Variants in AUTS2 observed in about 807,000 individuals in gnomAD.
AUTS2 encodes the protein autism susceptibility gene 2 protein.
In AUTS2, 17 loss-of-function variants were observed where a neutral mutation model predicts 112.4. The observed-to-expected ratio is 0.15, with a 90% confidence interval of 0.10 to 0.23. AUTS2 has a LOEUF of 0.23. Among genes scored for constraint, AUTS2 ranks in the 10% least tolerant of loss-of-function variants. The probability of loss-of-function intolerance (pLI) is 1.00; values close to 1 mark genes in which losing one functional copy is unlikely to be tolerated. For missense variants in AUTS2, 1,510 were observed against 1,701.6 expected (o/e 0.89, Z 1.98); for synonymous variants, 751 against 702.7 (o/e 1.07, Z -1.09).
chr7:69,758,844 T>A (rs979856079), intron 1 of AUTS2, among the ~76,000 whole-genome samples: 2 of 152,158 alleles, frequency 1.3e-5, no homozygotes, highest in Non-Finnish European at 2.9e-5. Flanking sequence ...GAGATGATCA[T>A]CAGCAGCTTT....
chr7:70,131,145 C>T (rs928887395), intron 3 of AUTS2, among the ~76,000 whole-genome samples: 2 of 152,114 alleles, frequency 1.3e-5, no homozygotes, highest in African/African-American at 4.8e-5. Context: ...GAAGTCCTCC[C>T]TTCTTATTGG....
chr7:69,908,839 A>T (rs1038711606), intron 2 of AUTS2, among the ~76,000 whole-genome samples: 2 of 152,276 alleles, frequency 1.3e-5, no homozygotes, highest in South Asian at 2.1e-4. Context: ...ACATATTCTG[A>T]GTAGGGAACA....
intron 6 of AUTS2, among the ~76,000 whole-genome samples, chr7:70,753,375 CA>C (rs1196378321): frequency 6.6e-6 from 1 of 152,166 alleles, no homozygotes; most frequent in African/African-American, 2.4e-5. Context: ...AATGTTTACA[CA>C]ACATGACAAG....
At chr7:70,677,855 G>A (rs906015000) in intron 5 of AUTS2, among the ~76,000 whole-genome samples, 3 of 152,070 alleles carry the variant, frequency 2.0e-5, no homozygotes, top group Admixed American at 6.5e-5. Flanking sequence ...AGGCCGAGGC[G>A]GGTGGATCAC....
chr7:69,977,547 G>A (rs1345148258), intron 2 of AUTS2, among the ~76,000 whole-genome samples: 1 of 152,060 alleles, frequency 6.6e-6, no homozygotes, highest in African/African-American at 2.4e-5. Context: ...AACAACAGTA[G>A]GTATAACAAT....
At chr7:70,036,643 C>G (rs1801015233) in intron 2 of AUTS2, among the ~76,000 whole-genome samples, 1 of 152,210 alleles carries the variant, frequency 6.6e-6, no homozygotes, top group Non-Finnish European at 1.5e-5. Flanking sequence ...GCAGAAATAA[C>G]AGCTATCCAG....
chr7:70,623,104 C>A (rs1804761167), intron 5 of AUTS2, among the ~76,000 whole-genome samples: 1 of 152,172 alleles, frequency 6.6e-6, no homozygotes, highest in African/African-American at 2.4e-5. Flanking sequence ...TTAGGAATGG[C>A]TTCGGGAAGC....
At chr7:70,496,479 A>C (rs1186234978) in intron 5 of AUTS2, among the ~76,000 whole-genome samples, 7 of 121,082 alleles carry the variant, frequency 5.8e-5, no homozygotes, top group Admixed American at 1.8e-4. Context: ...ACACACACAC[A>C]CCCCACACAC....
chr7:69,603,323 C>T (rs984300333), intron 1 of AUTS2, among the ~76,000 whole-genome samples: 3 of 152,122 alleles, frequency 2.0e-5, no homozygotes, highest in Non-Finnish European at 2.9e-5. Context: ...TTGGACTTCT[C>T]TTTTAAAAAA....
At chr7:69,614,328 C>CTTTCTTTCTTTCT (rs1793212955) in intron 1 of AUTS2, among the ~76,000 whole-genome samples, 1 of 57,048 alleles carries the variant, frequency 1.8e-5, no homozygotes, top group Non-Finnish European at 3.9e-5. Context: ...TTCTTTCTTT[C>CTTTCTTTCTTTCT]TTTCTTTCTT....
chr7:69,676,059 A>C (rs1040018704), intron 1 of AUTS2, among the ~76,000 whole-genome samples: 6 of 152,234 alleles, frequency 3.9e-5, no homozygotes, highest in African/African-American at 1.4e-4. Flanking sequence ...CAGTCTGTGC[A>C]TACCTAAGGA....
At position 70,222,888 on chromosome 7, in the gene AUTS2, C is replaced by CTT. The variant is rs200649101; in HGVS notation, c.660+88333_660+88334dup. Among the ~76,000 whole-genome samples, 193 of 130,138 alleles carry CTT rather than the reference C, an allele frequency of 1.5e-3. 4 individuals are homozygous for CTT. Among genetic ancestry groups the CTT allele is most frequent in the African/African-American group, 4.6e-3 (162 of 35,202 alleles). 85.4% of individuals were successfully genotyped at this position (130,138 alleles called of 152,430 possible). ...TAATATTTCTTGGCTTGGAAATTTG[C>CTT]TTTTTTTTTTTTTTTTTGAGACAAA... On this transcript the variant is annotated intron_variant, in intron 4 of 18. Coordinates refer to ENST00000342771, the MANE Select transcript of AUTS2 (RefSeq NM_015570.4).
chr7:70,011,912 C>T (rs1365804285), intron 2 of AUTS2, among the ~76,000 whole-genome samples: 1 of 152,060 alleles, frequency 6.6e-6, no homozygotes, highest in African/African-American at 2.4e-5. Context: ...TGTCATGTGT[C>T]CTGGGAGCCT....
intron 5 of AUTS2, among the ~76,000 whole-genome samples, chr7:70,657,238 T>C (rs559436124): frequency 6.6e-6 from 1 of 152,320 alleles, no homozygotes; most frequent in African/African-American, 2.4e-5. Context: ...AATGTCTGCC[T>C]ACTCGGTTTT....
intron 4 of AUTS2, among the ~76,000 whole-genome samples, chr7:70,160,429 A>G (rs1808014958): frequency 6.6e-6 from 1 of 152,168 alleles, no homozygotes; most frequent in South Asian, 2.1e-4. Context: ...GTCAGATTTC[A>G]CCTACTTGAA....
intron 1 of AUTS2, among the ~76,000 whole-genome samples, chr7:69,762,244 G>C (rs1788215680): frequency 7.5e-6 from 1 of 133,814 alleles, no homozygotes; most frequent in South Asian, 2.6e-4. Context: ...GTTCTTTCCA[G>C]TTCTTTCACT....
At chr7:70,026,409 G>T (rs898148356) in intron 2 of AUTS2, among the ~76,000 whole-genome samples, 12 of 152,112 alleles carry the variant, frequency 7.9e-5, no homozygotes, top group Non-Finnish European at 1.6e-4. Flanking sequence ...TCTGGAGGTT[G>T]GCTCCTTACA....
At chr7:69,780,054 T>G (rs1344365422) in intron 1 of AUTS2, among the ~76,000 whole-genome samples, 1 of 152,032 alleles carries the variant, frequency 6.6e-6, no homozygotes, top group African/African-American at 2.4e-5. Flanking sequence ...ATGGGGGTCT[T>G]TCTATGTTGA....
intron 5 of AUTS2, among the ~76,000 whole-genome samples, chr7:70,668,821 G>A (rs576121899): frequency 6.6e-6 from 1 of 152,354 alleles, no homozygotes; most frequent in East Asian, 1.9e-4. Flanking sequence ...TGGTGCCAGG[G>A]GCTGGCCCAG....
Sources: allele counts gnomAD v4.1 joint callset (sites outside exome capture counted in the v4.1 genomes callset), GRCh38; gene constraint gnomAD v4.1.1; transcripts MANE v1.5; gene names NCBI Gene and HGNC (gene_info 2026-07-23, HGNC 2026-07-21).